Variants in ARL17B observed in about 807,000 individuals in gnomAD.
The protein encoded by ARL17B is ADP-ribosylation factor-like protein 17.
intron 4 of ARL17B, among the ~76,000 whole-genome samples, chr17:46,291,476 G>A (rs1289331061): frequency 6.6e-6 from 1 of 151,560 alleles, no homozygotes; most frequent in Non-Finnish European, 1.5e-5. Context: ...AGGCTAACAT[G>A]CTGTGTGTGA....
At chr17:46,288,744 C>A (rs1417214831) in intron 4 of ARL17B, among the ~76,000 whole-genome samples, 3 of 150,944 alleles carry the variant, frequency 2.0e-5, no homozygotes, top group African/African-American at 7.3e-5. Flanking sequence ...CACTCTGTCA[C>A]CCAGGTTAGA....
At chr17:46,281,680 G>C (rs2049767349) in intron 4 of ARL17B, among the ~76,000 whole-genome samples, 1 of 152,284 alleles carries the variant, frequency 6.6e-6, no homozygotes, top group East Asian at 1.9e-4. Context: ...GAGTCTCACT[G>C]TCACCCAGGC....
In ARL17B at chr17:46,314,463, G is replaced by A. The variant is rs2911786; in HGVS notation, c.260-14798C>T. Among the ~76,000 whole-genome samples, 440 of 81,746 alleles carry A rather than the reference G, an allele frequency of 5.4e-3. 5 individuals are homozygous for A. Among genetic ancestry groups the A allele is most frequent in the African/African-American group, 0.013 (413 of 30,852 alleles). 53.6% of individuals were successfully genotyped at this position (81,746 alleles called of 152,430 possible). A position where few individuals can be genotyped will look rare whatever the true frequency, so the allele number is the denominator to read the frequency against. On this transcript the variant is annotated intron_variant, in intron 3 of 4. Transcript: ENST00000434041. ...ACATAGATGTTCAGGTGACGCCATT[G>A]CACTCAAGCCTGGGCAACAGAGTGA...
chr17:46,283,104 T>C (rs2049813884), intron 4 of ARL17B, among the ~76,000 whole-genome samples: 1 of 152,056 alleles, frequency 6.6e-6, no homozygotes, highest in South Asian at 2.1e-4. Context: ...GGCAACAGGG[T>C]GAGACTCCAT....
intron 3 of ARL17B, among the ~76,000 whole-genome samples, chr17:46,319,212 A>ATTTTTTTTTTTTT (rs1225879085): frequency 1.2e-3 from 2 of 1,640 alleles, no homozygotes; most frequent in Admixed American, 4.3e-3. Context: ...ATTGTGGTCA[A>ATTTTTTTTTTTTT]TTTTTTTTTT....
intron 4 of ARL17B, among the ~76,000 whole-genome samples, chr17:46,289,238 A>G (rs1221128030): frequency 4.6e-5 from 7 of 152,216 alleles, no homozygotes; most frequent in African/African-American, 1.7e-4. Flanking sequence ...CCTGGACTGC[A>G]GTGACATAAA....
intron 4 of ARL17B, among the ~76,000 whole-genome samples, chr17:46,279,372 C>T (rs1437162135): frequency 3.3e-5 from 5 of 150,100 alleles, no homozygotes; most frequent in Non-Finnish European, 7.4e-5. Flanking sequence ...TTAATAGAGA[C>T]GAGGTTTTGC....
At chr17:46,332,462 A>G, downstream of ARL17B, 3 of 515,610 alleles carry the variant, frequency 5.8e-6, no homozygotes, top group South Asian at 5.7e-5. Context: ...AAAAAAATAA[A>G]AAAGAACCTG....
intron 4 of ARL17B, among the ~76,000 whole-genome samples, chr17:46,282,924 T>C (rs1326357513): frequency 2.0e-5 from 3 of 152,024 alleles, no homozygotes; most frequent in African/African-American, 4.8e-5. Flanking sequence ...TTTGAGACCA[T>C]CCTGGCCAAC....
chr17:46,331,113 T>G (rs746787835), downstream of ARL17B: 4 of 722,620 alleles, frequency 5.5e-6, 1 homozygote, highest in East Asian at 1.0e-4. Flanking sequence ...ACCCACGCTA[T>G]TTCCATTTTA....
chr17:46,332,578 C>T (rs766283350), downstream of ARL17B: 7 of 1,369,098 alleles, frequency 5.1e-6, no homozygotes, highest in South Asian at 8.5e-5. Context: ...CAGGATATGG[C>T]TATACTGACA....
rs1334810756 is a variant in ARL17B at position 46,343,732 on chromosome 17, AATTT to A, written c.260-3962_260-3959del. 8.4e-4 allele frequency among the ~76,000 whole-genome samples: 79 copies of A among 93,940 alleles called. 1 individual carries two copies. Among genetic ancestry groups the A allele is most frequent in the African/African-American group, 3.9e-3 (70 of 17,784 alleles). The allele number at this position is 93,940 out of a possible 152,430, so 61.6% of individuals were successfully genotyped here. ...ATAGTGAAGCCCCTTTTCTACAAAA[AATTT>A]ATTTATTTATTTATTTTTATTTTTT... On this transcript the variant is annotated intron_variant, in intron 3 of 3. Coordinates refer to ENST00000450673, the MANE Select transcript of ARL17B (RefSeq NM_001039083.5).
intron 4 of ARL17B, among the ~76,000 whole-genome samples, chr17:46,291,800 C>A (rs1243768578): frequency 6.6e-6 from 1 of 151,584 alleles, no homozygotes; most frequent in African/African-American, 2.4e-5. Context: ...CAAAAAACAC[C>A]CCAAAATTAG....
chr17:46,274,335 T>A (rs1376219126), downstream of ARL17B, among the ~76,000 whole-genome samples: 5 of 152,344 alleles, frequency 3.3e-5, no homozygotes, highest in Non-Finnish European at 5.9e-5. Context: ...TGGTGTGGAG[T>A]AATTGACAAA....
Position 46,325,641 on chromosome 17 carries a change from C to T in ARL17B, c.260-25976G>A, listed in dbSNP as rs1287304967. On this transcript the variant is annotated intron_variant, in intron 3 of 4. Transcript: ENST00000434041. ...TAGGACAATTGTGAAAATGTGTATA[C>T]GGACCGCATAGTAGACAATGATAAT... is the stretch of plus-strand genomic sequence containing the variant. 4.9e-5 allele frequency among the ~76,000 whole-genome samples: 4 copies of T among 81,038 alleles called. 2 individuals carry two copies. The Admixed American group carries it at 5.1e-4, about 10-fold the overall frequency. 53.2% of individuals were successfully genotyped at this position (81,038 alleles called of 152,430 possible). A position where few individuals can be genotyped will look rare whatever the true frequency, so the allele number is the denominator to read the frequency against.
Position 46,293,782 on chromosome 17 carries a change from G to A in ARL17B, c.*21+5744C>T, listed in dbSNP as rs1325435428. ...GAGACTTCAAGCTTTAAGAAGTCTAGCTTCCTGTGAAATGTGAGAGGAAGT... is the reference window on the plus strand; with the variant it reads ...GAGACTTCAAGCTTTAAGAAGTCTAACTTCCTGTGAAATGTGAGAGGAAGT... On this transcript the variant is annotated intron_variant, in intron 4 of 4. Coordinates refer to the ARL17B transcript ENST00000570618. 3 of 248,514 alleles carry A rather than the reference G, an allele frequency of 1.2e-5. 1 individual carries two copies. In the Admixed American group the frequency reaches 3.6e-4, roughly 30 times the overall value. The allele number at this position is 248,514 out of a possible 1,614,324, so 15.4% of individuals were successfully genotyped here.
chr17:46,286,712 C>T (rs1224692977), intron 4 of ARL17B, among the ~76,000 whole-genome samples: 2 of 152,180 alleles, frequency 1.3e-5, no homozygotes, highest in Non-Finnish European at 2.9e-5. Context: ...AAAAAATCTG[C>T]TTTTTATTTT....
chr17:46,291,685 T>C (rs1369970080), intron 4 of ARL17B, among the ~76,000 whole-genome samples: 1 of 151,666 alleles, frequency 6.6e-6, no homozygotes, highest in Non-Finnish European at 1.5e-5. Flanking sequence ...CTTTGGGAAG[T>C]CGAGGAAGGA....
At chr17:46,317,171 C>G (rs1409337832) in intron 3 of ARL17B, among the ~76,000 whole-genome samples, 1 of 88,512 alleles carries the variant, frequency 1.1e-5, no homozygotes. Flanking sequence ...GCGCTCCTCA[C>G]ATCCCAGACG....
Sources: allele counts gnomAD v4.1 joint callset (sites outside exome capture counted in the v4.1 genomes callset), GRCh38; gene constraint gnomAD v4.1.1; transcripts MANE v1.5; gene names NCBI Gene and HGNC (gene_info 2026-07-23, HGNC 2026-07-21).